Variants in DNAJC5B observed in about 807,000 individuals in gnomAD.
The protein encoded by DNAJC5B is DnaJ heat shock protein family (Hsp40) member C5 beta.
DNAJC5B carries 23 observed loss-of-function variants against 24.7 expected under a neutral mutation model. The ratio of observed to expected loss-of-function variants is 0.93; its 90% confidence interval spans 0.67 to 1.32. The LOEUF (loss-of-function observed/expected upper bound fraction) is 1.32. Ranked by LOEUF, DNAJC5B falls within the 40% of genes most tolerant of loss-of-function variation. The pLI, the probability that DNAJC5B is intolerant of heterozygous loss-of-function variation, is 0.00. For missense variants in DNAJC5B, 238 were observed against 240.8 expected, an observed-to-expected ratio of 0.99 and a Z score of 0.08; for synonymous variants, 101 against 90.1, an observed-to-expected ratio of 1.12 and a Z score of -0.68.
At chr8:66,042,131 C>T (rs774739970) in intron 1 of DNAJC5B, among the ~76,000 whole-genome samples, 35 of 152,254 alleles carry the variant, frequency 2.3e-4, no homozygotes, top group Non-Finnish European at 4.3e-4. Context: ...TGCTCACTGC[C>T]TGTCTTGGAA....
chr8:66,029,600 T>C (rs1806317572), intron 1 of DNAJC5B, among the ~76,000 whole-genome samples: 1 of 152,154 alleles, frequency 6.6e-6, no homozygotes, highest in African/African-American at 2.4e-5. Flanking sequence ...CAGGAGATAA[T>C]AAGCTTGGTC....
upstream of DNAJC5B, among the ~76,000 whole-genome samples, chr8:66,018,067 A>G (rs886377664): frequency 6.6e-6 from 1 of 152,152 alleles, no homozygotes; most frequent in Non-Finnish European, 1.5e-5. Context: ...AGAGCACTCA[A>G]TTTCTTGTGC....
intron 3 of DNAJC5B, among the ~76,000 whole-genome samples, chr8:66,053,193 A>T (rs7846131): frequency 0.32 from 49,350 of 152,088 alleles, 11,900 homozygotes; most frequent in African/African-American, 0.67. Context: ...CACCTTGGCC[A>T]CCCAAAGTGC....
At chr8:66,073,076 G>A (rs781717729) in intron 3 of DNAJC5B, among the ~76,000 whole-genome samples, 1 of 151,932 alleles carries the variant, frequency 6.6e-6, no homozygotes, top group African/African-American at 2.4e-5. Context: ...ATAAGGATTC[G>A]AAGGGAAAAA....
chr8:66,031,754 G>C (rs561115439), intron 1 of DNAJC5B, among the ~76,000 whole-genome samples: 2 of 152,098 alleles, frequency 1.3e-5, no homozygotes, highest in Admixed American at 6.5e-5. Flanking sequence ...CAGCTGATTC[G>C]ATGATGGCCA....
At chr8:66,062,163 C>CA (rs1345072974) in intron 3 of DNAJC5B, among the ~76,000 whole-genome samples, 3 of 152,182 alleles carry the variant, frequency 2.0e-5, no homozygotes, top group South Asian at 2.1e-4. Flanking sequence ...TTGCTGAATG[C>CA]AAAAAAGAAT....
chr8:66,059,574 T>C (rs1807037230), intron 3 of DNAJC5B, among the ~76,000 whole-genome samples: 1 of 152,162 alleles, frequency 6.6e-6, no homozygotes, highest in South Asian at 2.1e-4. Flanking sequence ...CAAAGCTTTT[T>C]CTCTACATAA....
At chr8:66,073,081 GA>G (rs1028399395) in intron 3 of DNAJC5B, among the ~76,000 whole-genome samples, 3 of 151,904 alleles carry the variant, frequency 2.0e-5, no homozygotes, top group African/African-American at 7.3e-5. Flanking sequence ...GATTCGAAGG[GA>G]AAAAATCCAA....
At chr8:66,076,528 C>G in intron 3 of DNAJC5B, 132 bp from the exon 4 acceptor site, 1 of 948,770 alleles carries the variant, frequency 1.1e-6, no homozygotes, top group Non-Finnish European at 1.6e-6. Flanking sequence ...TTAATCACCG[C>G]TAGTCTGAAA....
Position 66,031,623 on chromosome 8 carries a change from G to A in DNAJC5B, c.-142+9918G>A, listed in dbSNP as rs545368203. ...TGACAAGTCCCAGGATCTGCACTCA[G>A]CATGCCTGAGACCCAGGAAGAGCCA... On this transcript the variant is annotated intron_variant, in intron 1 of 5. Coordinates refer to ENST00000276570, the MANE Select transcript of DNAJC5B (RefSeq NM_033105.6). Among the ~76,000 whole-genome samples the A allele has an allele frequency of 2.6e-5, 4 of 152,292 alleles. No homozygotes were observed. The East Asian group carries it at 7.7e-4, about 29-fold the overall frequency.
chr8:66,063,638 C>A lies in DNAJC5B; in HGVS notation c.119+11972C>A, dbSNP rs114972919. Among the ~76,000 whole-genome samples the A allele has an allele frequency of 9.8e-3, 1,495 of 152,292 alleles. 24 individuals are homozygous for A. The highest frequency in any genetic ancestry group is 0.034 in the African/African-American group (1,410 of 41,554). On this transcript the variant is annotated intron_variant, in intron 3 of 5. Coordinates refer to ENST00000276570, the MANE Select transcript of DNAJC5B (RefSeq NM_033105.6). ...TTTCACTTGATCGAACCTCTTAGTT[C>A]TTCATGCAGTGCCAATCTCAGTCAT...
chr8:66,082,875 G>A (rs367658961), intron 5 of DNAJC5B, among the ~76,000 whole-genome samples: 1 of 151,864 alleles, frequency 6.6e-6, no homozygotes, highest in East Asian at 1.9e-4. Context: ...TAGAAAAATC[G>A]CAATTGTTTA....
intron 3 of DNAJC5B, among the ~76,000 whole-genome samples, chr8:66,069,133 A>G (rs77756220): frequency 0.084 from 12,706 of 152,098 alleles, 878 homozygotes; most frequent in African/African-American, 0.18. Flanking sequence ...AAATTAATCC[A>G]ACAAGAAGGC....
At chr8:66,075,481 G>A (rs987756389) in intron 3 of DNAJC5B, among the ~76,000 whole-genome samples, 16 of 151,844 alleles carry the variant, frequency 1.1e-4, no homozygotes, top group Admixed American at 6.6e-5. Context: ...AATGACAAAA[G>A]GCATTTTATG....
In DNAJC5B at chr8:66,088,871, A is replaced by T. The variant is rs558739253; in HGVS notation, c.505+8323A>T. The stretch of plus-strand genomic sequence containing the variant: ...TCAAAGCCATTCAACAAGTCTCTAG[A>T]CAGTTCCAAACTTTCCCACATCTTC... On this transcript the variant is annotated intron_variant, in intron 5 of 5. Coordinates refer to ENST00000276570, the MANE Select transcript of DNAJC5B (RefSeq NM_033105.6). 1.3e-3 allele frequency among the ~76,000 whole-genome samples: 201 copies of T among 152,290 alleles called. 1 individual carries two copies. The highest frequency in any genetic ancestry group is 4.6e-3 in the African/African-American group (192 of 41,578).
intron 4 of DNAJC5B, 87 bp from the exon 5 acceptor site, chr8:66,080,290 G>A: frequency 1.3e-6 from 2 of 1,538,422 alleles, no homozygotes; most frequent in Non-Finnish European, 1.8e-6. Context: ...GGTCTCTGGG[G>A]GTACCTGGGT....
At chr8:66,033,710 T>TGA (rs939964247) in intron 1 of DNAJC5B, among the ~76,000 whole-genome samples, 2 of 150,112 alleles carry the variant, frequency 1.3e-5, no homozygotes, top group Middle Eastern at 3.4e-3. Flanking sequence ...ACACAATTGG[T>TGA]GGTAACAACT....
At chr8:66,076,961 C>A in intron 4 of DNAJC5B, 88 bp downstream of exon 4, 1 of 1,384,104 alleles carries the variant, frequency 7.2e-7, no homozygotes, top group Non-Finnish European at 1.0e-6. Flanking sequence ...GAAGTCTAAC[C>A]TTCCTGCTAT....
At chr8:66,049,785 A>C (rs532842603) in intron 2 of DNAJC5B, among the ~76,000 whole-genome samples, 10 of 152,240 alleles carry the variant, frequency 6.6e-5, no homozygotes, top group African/African-American at 2.4e-4. Flanking sequence ...GGAAGCAATC[A>C]AAGTGAGTGA....
Sources: gnomAD v4.1 joint callset for allele counts (sites outside exome capture counted in the v4.1 genomes callset) on GRCh38, gnomAD v4.1.1 for gene constraint, MANE v1.5 for transcripts, NCBI Gene and HGNC (gene_info 2026-07-23, HGNC 2026-07-21) for gene names.